FCSK: variants seen among roughly 807,000 people sequenced by gnomAD.
The protein encoded by FCSK is fucose kinase.
A neutral mutation model predicts 122.5 loss-of-function variants in FCSK; 123 were observed. The observed-to-expected ratio is 1.00, with a 90% CI of 0.87 to 1.17. FCSK has a LOEUF of 1.17. Ranked by LOEUF, FCSK falls within the 50% of genes most tolerant of loss-of-function variation. The pLI is 0.00. For synonymous variants in FCSK, 620 were observed against 625.5 expected (o/e 0.99, Z 0.13); for missense variants, 1,366 against 1,450.4 (o/e 0.94, Z 0.95).
chr16:70,460,462 T>C (rs577995670), intron 1 of FCSK, among the ~76,000 whole-genome samples: 4 of 151,720 alleles, frequency 2.6e-5, no homozygotes. Context: ...TGGAGTGCAG[T>C]GGTGTGATCT....
intron 22 of FCSK, 23 bp from the exon 23 acceptor site, chr16:70,479,157 C>T: frequency 1.3e-6 from 2 of 1,583,666 alleles, no homozygotes; most frequent in Admixed American, 1.7e-5. Flanking sequence ...CCAGGCACGT[C>T]ACTCCCCTCT....
At chr16:70,475,868 C>A (rs1307611699) in intron 20 of FCSK, 101 bp downstream of exon 20, 1 of 1,220,882 alleles carries the variant, frequency 8.2e-7, no homozygotes, top group Admixed American at 3.0e-5. Context: ...TGGCCAACAG[C>A]CACAAGACTG....
At chr16:70,458,308 C>T (rs1339967671) in intron 1 of FCSK, among the ~76,000 whole-genome samples, 19 of 150,824 alleles carry the variant, frequency 1.3e-4, no homozygotes, top group African/African-American at 3.9e-4. Flanking sequence ...TACAGGCACC[C>T]GCCACCATGC....
chr16:70,455,421 G>T (rs1037535549), intron 1 of FCSK, among the ~76,000 whole-genome samples: 7 of 151,226 alleles, frequency 4.6e-5, no homozygotes, highest in African/African-American at 1.5e-4. Flanking sequence ...GGAGATGGAG[G>T]TTGCAGTGAG....
chr16:70,470,891 C>G, intron 11 of FCSK, 80 bp from the exon 12 acceptor site: 2 of 1,314,308 alleles, frequency 1.5e-6, no homozygotes, highest in Non-Finnish European at 2.1e-6. Context: ...CGCTTTGCCC[C>G]TGGATGCTTG....
At chr16:70,471,639 C>T (rs780627642) in intron 13 of FCSK, among the ~76,000 whole-genome samples, 1 of 151,986 alleles carries the variant, frequency 6.6e-6, no homozygotes, top group Non-Finnish European at 1.5e-5. Context: ...TGCTCTATCA[C>T]CAAGGCTGGA....
chr16:70,468,585 A>G (rs1597618763), intron 8 of FCSK, among the ~76,000 whole-genome samples: 1 of 152,132 alleles, frequency 6.6e-6, no homozygotes, highest in Non-Finnish European at 1.5e-5. Context: ...TTGGAGAGGC[A>G]TGGAGATCTG....
Position 70,479,767 on chromosome 16 carries a change from C to T in FCSK, c.*87C>T. On this transcript the variant is annotated 3_prime_UTR_variant, in exon 24 of 24. Coordinates refer to ENST00000288078, the MANE Select transcript of FCSK (RefSeq NM_145059.3). ...CCCATGGGAACCTCCACCTCCTACTCCCCACCCACCTCTGCGAATCTGCTC... is the reference window on the plus strand; with the variant it reads ...CCCATGGGAACCTCCACCTCCTACTTCCCACCCACCTCTGCGAATCTGCTC... 1 of 957,246 alleles carries T rather than the reference C, an allele frequency of 1.0e-6. No homozygotes were observed. The highest frequency in any genetic ancestry group is 1.6e-5 in the South Asian group (1 of 64,490). 59.3% of individuals were successfully genotyped at this position (957,246 alleles called of 1,614,324 possible).
intron 1 of FCSK, among the ~76,000 whole-genome samples, chr16:70,461,474 G>A (rs2048261560): frequency 6.6e-6 from 1 of 152,104 alleles, no homozygotes; most frequent in Admixed American, 6.6e-5. Flanking sequence ...ACAGGGGTGG[G>A]GGTGAAGCCA....
Position 70,473,041 on chromosome 16 carries a change from C to T in FCSK, c.1465C>T (p.Arg489Cys), listed in dbSNP as rs777577639. The change falls in exon 15 of 24, where the codon CGC becomes TGC. Residue 489 changes from arginine (R) to cysteine (C), a missense_variant. Transcript: ENST00000288078. The surrounding 1 kb of genome is among the most constrained non-coding windows in gnomAD (Gnocchi z 4.9). ...LPAEYCLPSA[R>C]LFPVLHPSRE... is the part of the protein sequence containing the mutation. ...CGCAGAGTACTGCCTTCCCAGCGCC[C>T]GCCTCTTTCCTGTGCTCCACCCCTC... The T allele has an allele frequency of 7.5e-6, 12 of 1,589,876 alleles. No individual in the cohort carries two copies. The highest frequency in any genetic ancestry group is 1.3e-5 in the African/African-American group (1 of 74,328).
At chr16:70,460,807 G>A (rs553447450) in intron 1 of FCSK, among the ~76,000 whole-genome samples, 99 of 152,308 alleles carry the variant, frequency 6.5e-4, no homozygotes, top group Middle Eastern at 3.4e-3. Context: ...GAGAAGGTTC[G>A]TTCAAAGCGT....
intron 18 of FCSK, 149 bp from the exon 19 acceptor site, chr16:70,475,201 C>CTTT: frequency 9.6e-7 from 1 of 1,040,158 alleles, no homozygotes; most frequent in South Asian, 1.6e-5. Flanking sequence ...CCCAGAGGCC[C>CTTT]TTTTGTGGCT....
rs1470396842 is a variant in FCSK at position 70,471,238 on chromosome 16, C to T, written c.1227C>T (p.Ser409=). ...CLVTGLDTAH[S]KALHGRELRD... Reference sequence around the variant, plus strand: ...TGACTGGCCTGGATACAGCCCACTCCAAGGCCCTGCATGGCCGGGAGCTGC... The same window carrying T: ...TGACTGGCCTGGATACAGCCCACTCTAAGGCCCTGCATGGCCGGGAGCTGC... Residue 409 remains serine (S), a synonymous_variant, in exon 13 of 24, where the codon TCC becomes TCT. Coordinates refer to ENST00000288078, the MANE Select transcript of FCSK (RefSeq NM_145059.3). The T allele has an allele frequency of 6.2e-7, 1 of 1,611,024 alleles. No homozygotes were observed. The highest frequency in any genetic ancestry group is 8.5e-7 in the Non-Finnish European group (1 of 1,179,318).
At chr16:70,463,325 C>A (rs1268876993) in intron 2 of FCSK, 53 bp downstream of exon 2, 5 of 1,486,272 alleles carry the variant, frequency 3.4e-6, no homozygotes, top group Non-Finnish European at 3.7e-6. Context: ...CCCTCCCCTT[C>A]CTGGCTATGT....
At chr16:70,469,771 G>C (rs2048550737) in intron 10 of FCSK, among the ~76,000 whole-genome samples, 1 of 151,290 alleles carries the variant, frequency 6.6e-6, no homozygotes. Context: ...GGCCTCAGGT[G>C]ACCCGCCTGC....
chr16:70,473,589 A>G lies in FCSK; in HGVS notation c.1777+236A>G, dbSNP rs1272880595. The stretch of plus-strand genomic sequence containing the variant: ...GTTTGGTCAGAGGTTGAGGCCTGGC[A>G]GCTGAGCTCTAGGTCCTAGGCACAT... On this transcript the variant is annotated intron_variant, in intron 15 of 23. Coordinates refer to ENST00000288078, the MANE Select transcript of FCSK (RefSeq NM_145059.3). This position sits in a 1 kb window ranked among gnomAD's most constrained non-coding sequence, Gnocchi z 4.9. 6.6e-6 allele frequency among the ~76,000 whole-genome samples: 1 copy of G among 152,184 alleles called. No individual in the cohort carries two copies. The highest frequency in any genetic ancestry group is 1.5e-5 in the Non-Finnish European group (1 of 68,022).
intron 23 of FCSK, 70 bp downstream of exon 23, chr16:70,479,473 A>G (rs752260452): frequency 2.0e-6 from 3 of 1,503,658 alleles, no homozygotes; most frequent in South Asian, 1.2e-5. Flanking sequence ...CCACCAGTTA[A>G]CCAGGGGCTA....
chr16:70,455,129 T>G (rs1436826772), intron 1 of FCSK, among the ~76,000 whole-genome samples: 2 of 152,228 alleles, frequency 1.3e-5, no homozygotes, highest in East Asian at 3.8e-4. Context: ...GTCAGAGTCC[T>G]CCGTGAGCCT....
intron 3 of FCSK, among the ~76,000 whole-genome samples, chr16:70,464,787 A>T (rs986831308): frequency 2.0e-5 from 3 of 151,592 alleles, no homozygotes; most frequent in Non-Finnish European, 2.9e-5. Context: ...CTGAGGTGGG[A>T]GGCTCGCTTG....
Sources: gnomAD v4.1 joint callset for allele counts (sites outside exome capture counted in the v4.1 genomes callset) on GRCh38, gnomAD v4.1.1 for gene constraint, Gnocchi (gnomAD v3.1) non-coding constraint, MANE v1.5 for transcripts, NCBI Gene and HGNC (gene_info 2026-07-23, HGNC 2026-07-21) for gene names.